The following ADAMTSL3 variants were observed in gnomAD, a reference collection of about 807,000 sequenced individuals.
ADAMTSL3 encodes ADAMTS-like protein 3.
ADAMTSL3 carries 128 observed loss-of-function variants against 201.7 expected under a neutral mutation model. That is an observed-to-expected ratio of 0.63 (90% CI 0.55 to 0.73). The LOEUF (loss-of-function observed/expected upper bound fraction) is 0.73. Ranked by LOEUF, ADAMTSL3 falls within the 30% of genes least tolerant of loss-of-function variation. The probability of loss-of-function intolerance (pLI) is 0.00; values close to 1 mark genes in which losing one functional copy is unlikely to be tolerated. For missense variants in ADAMTSL3, 1,990 were observed against 2,119.6 expected (o/e 0.94, Z 1.20); for synonymous variants, 738 against 748.4 (o/e 0.99, Z 0.23).
At chr15:83,829,738 A>T (rs569718441) in intron 6 of ADAMTSL3, among the ~76,000 whole-genome samples, 3 of 151,588 alleles carry the variant, frequency 2.0e-5, no homozygotes, top group Non-Finnish European at 4.4e-5. Flanking sequence ...CTTTGTTCTC[A>T]TAGGTTTCAA....
intron 28 of ADAMTSL3, among the ~76,000 whole-genome samples, chr15:84,035,080 C>T (rs1178720056): frequency 6.6e-6 from 1 of 152,142 alleles, no homozygotes; most frequent in Non-Finnish European, 1.5e-5. Context: ...CCTTAGTGAG[C>T]AGCCTCTTAG....
At chr15:83,684,271 C>G (rs2061510406) in intron 2 of ADAMTSL3, among the ~76,000 whole-genome samples, 1 of 152,176 alleles carries the variant, frequency 6.6e-6, no homozygotes, top group Non-Finnish European at 1.5e-5. Context: ...AACACAAAAC[C>G]CTAGCCACAT....
At chr15:83,661,095 T>C (rs1440099056) in intron 2 of ADAMTSL3, among the ~76,000 whole-genome samples, 1 of 147,650 alleles carries the variant, frequency 6.8e-6, no homozygotes, top group Non-Finnish European at 1.5e-5. Context: ...TAGTTGTAGA[T>C]ATGTGGCGTT....
intron 7 of ADAMTSL3, among the ~76,000 whole-genome samples, chr15:83,842,889 C>A (rs1296848552): frequency 6.6e-6 from 1 of 152,142 alleles, no homozygotes; most frequent in Non-Finnish European, 1.5e-5. Context: ...GAAATCTCAT[C>A]AGAAAATACC....
At position 83,952,247 on chromosome 15, in the gene ADAMTSL3, G is replaced by A. The variant is rs535954384; in HGVS notation, c.2490+9165G>A. On this transcript the variant is annotated intron_variant, in intron 19 of 29. Transcript: ENST00000286744. ...TTCAGGAGCATATTGTTTAAATTCC[G>A]TGTATTTGTACATTTTCCAAAATTT... is the stretch of plus-strand genomic sequence containing the variant. Among the ~76,000 whole-genome samples, 11 of 152,024 alleles carry A rather than the reference G, an allele frequency of 7.2e-5. No homozygotes were observed. The South Asian group carries it at 1.0e-3, about 14-fold the overall frequency.
intron 21 of ADAMTSL3, among the ~76,000 whole-genome samples, chr15:83,987,529 G>C (rs2067501242): frequency 6.6e-6 from 1 of 152,158 alleles, no homozygotes; most frequent in Non-Finnish European, 1.5e-5. Flanking sequence ...CAGAGAAGAA[G>C]GAGCCCAGAG....
chr15:83,808,194 C>T (rs2141874453), intron 5 of ADAMTSL3, among the ~76,000 whole-genome samples: 1 of 151,992 alleles, frequency 6.6e-6, no homozygotes, highest in African/African-American at 2.4e-5. Context: ...AAAGAGATAA[C>T]CTGAAGAATG....
At chr15:83,683,335 C>T (rs1279517669) in intron 2 of ADAMTSL3, among the ~76,000 whole-genome samples, 1 of 152,106 alleles carries the variant, frequency 6.6e-6, no homozygotes, top group Non-Finnish European at 1.5e-5. Context: ...CCTCTCAGTC[C>T]TTCCTCCCTG....
At chr15:83,801,683 T>TAA (rs1567154213) in intron 4 of ADAMTSL3, among the ~76,000 whole-genome samples, 3 of 65,850 alleles carry the variant, frequency 4.6e-5, no homozygotes, top group Non-Finnish European at 9.9e-5. Flanking sequence ...TATATATATA[T>TAA]ATATATATAT....
chr15:83,718,793 A>G (rs1187961242), intron 3 of ADAMTSL3, among the ~76,000 whole-genome samples: 1 of 152,172 alleles, frequency 6.6e-6, no homozygotes, highest in Non-Finnish European at 1.5e-5. Context: ...TAAGTTAATA[A>G]TAATACTAAA....
chr15:83,747,480 C>G (rs1394742056), intron 3 of ADAMTSL3, among the ~76,000 whole-genome samples: 1 of 152,164 alleles, frequency 6.6e-6, no homozygotes, highest in Non-Finnish European at 1.5e-5. Context: ...CCATCCAGAT[C>G]TGTCCACAAG....
At chr15:83,763,713 G>C (rs1049778315) in intron 3 of ADAMTSL3, among the ~76,000 whole-genome samples, 1 of 152,108 alleles carries the variant, frequency 6.6e-6, no homozygotes, top group East Asian at 1.9e-4. Context: ...CACCCTGTTA[G>C]CCAGGATGAT....
intron 19 of ADAMTSL3, among the ~76,000 whole-genome samples, chr15:83,962,022 G>A (rs561290558): frequency 6.6e-6 from 1 of 152,218 alleles, no homozygotes; most frequent in South Asian, 2.1e-4. Context: ...ATGTGTTGTG[G>A]GAGGGACTCA....
intron 4 of ADAMTSL3, among the ~76,000 whole-genome samples, chr15:83,793,934 T>A (rs2063382305): frequency 6.6e-6 from 1 of 152,136 alleles, no homozygotes; most frequent in East Asian, 1.9e-4. Flanking sequence ...AGGACTAGTA[T>A]CTCTATTAAG....
intron 7 of ADAMTSL3, among the ~76,000 whole-genome samples, chr15:83,840,136 AGC>A (rs1352245394): frequency 1.3e-5 from 2 of 152,242 alleles, no homozygotes; most frequent in Non-Finnish European, 2.9e-5. Context: ...CAAAGCATTT[AGC>A]CAGGGAAGAA....
intron 2 of ADAMTSL3, among the ~76,000 whole-genome samples, chr15:83,701,083 C>T (rs1019933594): frequency 6.6e-6 from 1 of 152,286 alleles, no homozygotes; most frequent in Non-Finnish European, 1.5e-5. Flanking sequence ...CCCTGCTTCT[C>T]CTGTTTGCAG....
intron 19 of ADAMTSL3, among the ~76,000 whole-genome samples, chr15:83,960,408 G>A (rs985514156): frequency 4.6e-5 from 7 of 152,132 alleles, no homozygotes; most frequent in Non-Finnish European, 7.3e-5. Context: ...CTCAGGCGCC[G>A]AGCAGGGTAT....
chr15:83,836,462 T>A (rs1049075244), intron 6 of ADAMTSL3, among the ~76,000 whole-genome samples: 6 of 152,224 alleles, frequency 3.9e-5, no homozygotes, highest in Non-Finnish European at 8.8e-5. Context: ...TTGATCTTTC[T>A]CTTTCCCTTC....
At chr15:83,735,951 G>A (rs2141619410) in intron 3 of ADAMTSL3, among the ~76,000 whole-genome samples, 1 of 152,166 alleles carries the variant, frequency 6.6e-6, no homozygotes, top group African/African-American at 2.4e-5. Flanking sequence ...GAAAACAAGG[G>A]AGAAATAATC....
Sources: gnomAD v4.1 joint callset for allele counts (sites outside exome capture counted in the v4.1 genomes callset) on GRCh38, gnomAD v4.1.1 for gene constraint, MANE v1.5 for transcripts, NCBI Gene and HGNC (gene_info 2026-07-23, HGNC 2026-07-21) for gene names.